The following SCLT1 variants were observed in gnomAD, a reference collection of about 807,000 sequenced individuals.
SCLT1 encodes the protein sodium channel and clathrin linker 1, also known as sodium channel-associated protein 1.
A neutral mutation model predicts 112.8 loss-of-function variants in SCLT1; 78 were observed. The observed-to-expected ratio is 0.69, with a 90% confidence interval of 0.58 to 0.83. SCLT1 has a LOEUF of 0.83. SCLT1 is among the 40% of genes least tolerant of loss of function. SCLT1 has a pLI of 0.00. For synonymous variants in SCLT1, 257 were observed against 254.7 expected (o/e 1.01, Z -0.09); for missense variants, 747 against 770.4 (o/e 0.97, Z 0.36).
intron 17 of SCLT1, among the ~76,000 whole-genome samples, chr4:128,940,385 C>T (rs1412085727): frequency 6.6e-6 from 1 of 151,896 alleles, no homozygotes; most frequent in African/African-American, 2.4e-5. Context: ...TAAGGTCCCT[C>T]TATTCCCAAA....
intron 18 of SCLT1, among the ~76,000 whole-genome samples, chr4:128,900,391 G>A (rs318531): frequency 0.73 from 109,728 of 151,284 alleles, 40,080 homozygotes; most frequent in African/African-American, 0.81. Flanking sequence ...CAACCATCTG[G>A]TCTTTGACAA....
chr4:129,078,623 G>C (rs1175187689), intron 2 of SCLT1, among the ~76,000 whole-genome samples: 1 of 152,066 alleles, frequency 6.6e-6, no homozygotes, highest in Non-Finnish European at 1.5e-5. Flanking sequence ...TCTGAATCTG[G>C]TCTTTGGAAA....
At chr4:129,013,749 C>A (rs548669916) in intron 5 of SCLT1, among the ~76,000 whole-genome samples, 1 of 152,062 alleles carries the variant, frequency 6.6e-6, no homozygotes. Context: ...TTTTTTGTTT[C>A]ATTTTGACCT....
intron 16 of SCLT1, among the ~76,000 whole-genome samples, chr4:128,943,907 A>G (rs1737922831): frequency 6.6e-6 from 1 of 152,132 alleles, no homozygotes; most frequent in African/African-American, 2.4e-5. Context: ...AATGCTACTA[A>G]TATTGTGAAA....
intron 5 of SCLT1, chr4:129,037,058 A>G (rs1747240944): frequency 6.6e-6 from 1 of 151,894 alleles, no homozygotes; most frequent in Non-Finnish European, 1.5e-5. Flanking sequence ...CAAATATAAG[A>G]GAAGATCTCT....
At chr4:128,961,742 C>T (rs1739752527) in intron 11 of SCLT1, among the ~76,000 whole-genome samples, 1 of 152,176 alleles carries the variant, frequency 6.6e-6, no homozygotes, top group African/African-American at 2.4e-5. Flanking sequence ...TTCTTCCATG[C>T]ACCAGGACTC....
At chr4:128,920,245 C>A (rs1735778835) in intron 18 of SCLT1, among the ~76,000 whole-genome samples, 1 of 152,158 alleles carries the variant, frequency 6.6e-6, no homozygotes, top group African/African-American at 2.4e-5. Context: ...GTTCAACATA[C>A]ACAAATCAAG....
At chr4:129,013,730 T>G (rs1349988227) in intron 5 of SCLT1, among the ~76,000 whole-genome samples, 1 of 152,118 alleles carries the variant, frequency 6.6e-6, no homozygotes, top group South Asian at 2.1e-4. Context: ...CTCTAAGATG[T>G]CTTTAAAATT....
At chr4:128,989,748 A>G (rs1380532827) in intron 9 of SCLT1, among the ~76,000 whole-genome samples, 3 of 151,760 alleles carry the variant, frequency 2.0e-5, no homozygotes, top group African/African-American at 7.2e-5. Context: ...ACTCAGGTAA[A>G]TAAAATGAGA....
At chr4:128,900,398 A>T (rs2125934048) in intron 18 of SCLT1, among the ~76,000 whole-genome samples, 1 of 152,268 alleles carries the variant, frequency 6.6e-6, no homozygotes, top group South Asian at 2.1e-4. Context: ...CTGGTCTTTG[A>T]CAAACCTGAG....
chr4:128,957,028 CT>C lies in SCLT1; in HGVS notation c.1143del (p.Glu382LysfsTer16). ...TAAATATAATTAAAAATCCTTACTT[CT>C]TTCTTGGTTCTTATGGTAGCATCTT... is the stretch of plus-strand genomic sequence containing the variant. ...FVQDATIRTK[K>X]EVANTKKQCN... On this transcript the variant is annotated frameshift_variant, in exon 13 of 21. Transcript: ENST00000281142. LOFTEE classifies it high-confidence loss of function. The C allele has an allele frequency of 6.6e-7, 1 of 1,509,440 alleles. No homozygotes were observed. The allele number at this position is 1,509,440 out of a possible 1,614,324, so 93.5% of individuals were successfully genotyped here. A position where few individuals can be genotyped will look rare whatever the true frequency, so the allele number is the denominator to read the frequency against.
chr4:128,905,717 A>G (rs1377687991), intron 18 of SCLT1, among the ~76,000 whole-genome samples: 2 of 152,066 alleles, frequency 1.3e-5, no homozygotes, highest in Middle Eastern at 3.2e-3. Flanking sequence ...TACACTTGCT[A>G]TTCTTCCATC....
intron 18 of SCLT1, among the ~76,000 whole-genome samples, chr4:128,895,927 G>T (rs930407358): frequency 6.6e-6 from 1 of 152,240 alleles, no homozygotes; most frequent in Non-Finnish European, 1.5e-5. Context: ...TGCCCACGGA[G>T]CCTCGCTCAT....
chr4:129,019,591 A>G (rs1745274248), intron 5 of SCLT1, among the ~76,000 whole-genome samples: 1 of 152,106 alleles, frequency 6.6e-6, no homozygotes. Flanking sequence ...TCCCATAGGA[A>G]GGCAGGCACC....
chr4:129,022,469 A>T (rs1160925083), intron 5 of SCLT1, among the ~76,000 whole-genome samples: 5 of 152,232 alleles, frequency 3.3e-5, no homozygotes, highest in Admixed American at 3.3e-4. Context: ...GATGGAGCTG[A>T]AAAACACAGC....
At chr4:128,911,996 T>G (rs944859619) in intron 18 of SCLT1, among the ~76,000 whole-genome samples, 3 of 152,154 alleles carry the variant, frequency 2.0e-5, no homozygotes, top group Non-Finnish European at 2.9e-5. Context: ...GCTTAATACA[T>G]CACAATAATG....
At chr4:129,029,764 A>C (rs1746524098) in intron 5 of SCLT1, among the ~76,000 whole-genome samples, 1 of 152,158 alleles carries the variant, frequency 6.6e-6, no homozygotes, top group African/African-American at 2.4e-5. Flanking sequence ...GGAAGAGCTA[A>C]CTACCCTAAA....
chr4:128,988,663 A>T (rs1742307216), intron 9 of SCLT1, among the ~76,000 whole-genome samples: 1 of 151,852 alleles, frequency 6.6e-6, no homozygotes, highest in African/African-American at 2.4e-5. Context: ...AACTGGACTA[A>T]ATTCTCCAAT....
chr4:128,967,656 T>A (rs1224364287), intron 10 of SCLT1, among the ~76,000 whole-genome samples: 1 of 152,256 alleles, frequency 6.6e-6, no homozygotes, highest in East Asian at 1.9e-4. Flanking sequence ...TATCTTCTTT[T>A]GAAAAGTGTC....
Sources: allele counts gnomAD v4.1 joint callset (sites outside exome capture counted in the v4.1 genomes callset), GRCh38; gene constraint gnomAD v4.1.1; transcripts MANE v1.5; gene names NCBI Gene and HGNC (gene_info 2026-07-23, HGNC 2026-07-21).